P3H2: variants seen among roughly 807,000 people sequenced by gnomAD.
P3H2 encodes prolyl 3-hydroxylase 2.
P3H2 carries 80 observed loss-of-function variants against 87.0 expected under a neutral mutation model. That is an observed-to-expected ratio of 0.92 (90% CI 0.77 to 1.11). The LOEUF is 1.11. Among genes scored for constraint, P3H2 ranks in the 50% least tolerant of loss-of-function variants. The probability of loss-of-function intolerance (pLI) is 0.00; values close to 1 mark genes in which losing one functional copy is unlikely to be tolerated. For synonymous variants in P3H2, 367 were observed against 359.3 expected, an observed-to-expected ratio of 1.02 and a Z score of -0.24; for missense variants, 1,001 against 923.9, an observed-to-expected ratio of 1.08 and a Z score of -1.08.
intron 1 of P3H2, among the ~76,000 whole-genome samples, chr3:190,019,983 C>T (rs1192201972): frequency 7.6e-6 from 1 of 131,764 alleles, no homozygotes; most frequent in Non-Finnish European, 1.7e-5. Context: ...ATTTAACATA[C>T]CTTACCCCAT....
At chr3:190,047,801 G>A (rs1725852186) in intron 1 of P3H2, among the ~76,000 whole-genome samples, 1 of 152,168 alleles carries the variant, frequency 6.6e-6, no homozygotes, top group African/African-American at 2.4e-5. Context: ...TGAGAATGAA[G>A]AGGCATTGGT....
At chr3:190,074,863 T>C (rs1275698605) in intron 1 of P3H2, among the ~76,000 whole-genome samples, 4 of 152,238 alleles carry the variant, frequency 2.6e-5, no homozygotes, top group African/African-American at 7.2e-5. Flanking sequence ...GAAGAAAATA[T>C]ACACAGATAA....
chr3:190,099,684 CTA>C (rs1477776106), intron 1 of P3H2, among the ~76,000 whole-genome samples: 7 of 152,128 alleles, frequency 4.6e-5, no homozygotes, highest in Non-Finnish European at 1.0e-4. Flanking sequence ...GAAAGACAAT[CTA>C]TAAACTGCTT....
chr3:190,026,095 G>A (rs774496543), intron 1 of P3H2, among the ~76,000 whole-genome samples: 17 of 151,966 alleles, frequency 1.1e-4, no homozygotes, highest in Non-Finnish European at 2.4e-4. Flanking sequence ...TACAAAACTG[G>A]CAGCATTTCA....
intron 7 of P3H2, 146 bp from the exon 8 acceptor site, chr3:189,983,286 T>C (rs557771344): frequency 3.1e-6 from 2 of 641,338 alleles, no homozygotes; most frequent in South Asian, 3.9e-5. Flanking sequence ...TCAAATTAAA[T>C]GTCACTGCCT....
chr3:189,957,801 G>A lies in P3H2; in HGVS notation c.*111C>T. The A allele has an allele frequency of 5.4e-6, 4 of 737,678 alleles. No homozygotes were observed. The highest frequency in any genetic ancestry group is 9.5e-6 in the Non-Finnish European group (4 of 420,204). The allele number at this position is 737,678 out of a possible 1,614,324, so 45.7% of individuals were successfully genotyped here. The stretch of plus-strand genomic sequence containing the variant: ...ATCCTTAGGAAGAGAAGGAAGATCT[G>A]ATGACTGACATTAACCTGTTAATTT... On this transcript the variant is annotated 3_prime_UTR_variant, in exon 15 of 15. Transcript: ENST00000319332.
chr3:190,112,660 A>C (rs1160244650), intron 1 of P3H2, among the ~76,000 whole-genome samples: 1 of 152,258 alleles, frequency 6.6e-6, no homozygotes, highest in Non-Finnish European at 1.5e-5. Context: ...GATATAGTAC[A>C]GTAGAGCAGA....
chr3:190,030,969 T>C (rs555030984), intron 1 of P3H2, among the ~76,000 whole-genome samples: 1 of 152,294 alleles, frequency 6.6e-6, no homozygotes, highest in Non-Finnish European at 1.5e-5. Flanking sequence ...TAAGAGTACG[T>C]ACTATAATTC....
At chr3:190,036,989 T>C (rs1049494937) in intron 1 of P3H2, among the ~76,000 whole-genome samples, 4 of 151,958 alleles carry the variant, frequency 2.6e-5, no homozygotes, top group Non-Finnish European at 5.9e-5. Flanking sequence ...AATTTTCAAT[T>C]AACAACAACA....
rs1044645217 is a variant in P3H2 at position 190,120,311 on chromosome 3, C to A, written c.421G>T (p.Val141Leu). ...PASRHRVSED[V>L]RSDFQRRVPY... The stretch of plus-strand genomic sequence containing the variant: ...ACTCTGCGCTGGAAGTCGCTGCGCA[C>A]ATCCTCGCTGACGCGGTGGCGGGAT... Residue 141 changes from valine to leucine, a missense_variant, in exon 1 of 15, where the codon GTG becomes TTG. Transcript: ENST00000319332. The A allele has an allele frequency of 6.2e-7, 1 of 1,608,200 alleles. No homozygotes were observed. Among genetic ancestry groups the A allele is most frequent in the Non-Finnish European group, 8.5e-7 (1 of 1,178,474 alleles).
chr3:190,033,365 T>C (rs1317455306), intron 1 of P3H2, among the ~76,000 whole-genome samples: 1 of 152,222 alleles, frequency 6.6e-6, no homozygotes, highest in Non-Finnish European at 1.5e-5. Context: ...ATATATACCT[T>C]TATTAAAATT....
chr3:190,048,383 A>G (rs1725871733), intron 1 of P3H2, among the ~76,000 whole-genome samples: 1 of 152,164 alleles, frequency 6.6e-6, no homozygotes, highest in South Asian at 2.1e-4. Context: ...TATAATCCCA[A>G]CTACTTGGAA....
At chr3:189,994,333 C>CAAAG (rs777600555) in intron 2 of P3H2, 50 bp from the exon 3 acceptor site, 1 of 1,465,352 alleles carries the variant, frequency 6.8e-7, no homozygotes, top group African/African-American at 1.4e-5. Context: ...AACAAACAAA[C>CAAAG]AAAAAAACCC....
At chr3:190,088,811 AT>A (rs1478759417) in intron 1 of P3H2, among the ~76,000 whole-genome samples, 1 of 152,208 alleles carries the variant, frequency 6.6e-6, no homozygotes, top group Non-Finnish European at 1.5e-5. Flanking sequence ...ATTTTTATAT[AT>A]ACTACAGCCT....
intron 1 of P3H2, among the ~76,000 whole-genome samples, chr3:190,093,718 G>A (rs1035807696): frequency 6.6e-6 from 1 of 152,182 alleles, no homozygotes; most frequent in African/African-American, 2.4e-5. Flanking sequence ...TACAGTGTTT[G>A]TTTGCTTTGT....
chr3:190,089,348 C>T (rs150726669), intron 1 of P3H2, among the ~76,000 whole-genome samples: 29 of 152,222 alleles, frequency 1.9e-4, no homozygotes, highest in African/African-American at 5.1e-4. Context: ...TGCACATGTA[C>T]GCTACAACTT....
chr3:190,038,593 G>A (rs1725500587), intron 1 of P3H2, among the ~76,000 whole-genome samples: 1 of 151,488 alleles, frequency 6.6e-6, no homozygotes, highest in Non-Finnish European at 1.5e-5. Flanking sequence ...TAAAGCTCCA[G>A]GGATGAAATA....
chr3:190,057,576 C>T (rs540980130), intron 1 of P3H2, among the ~76,000 whole-genome samples: 1 of 152,198 alleles, frequency 6.6e-6, no homozygotes, highest in African/African-American at 2.4e-5. Context: ...TTGAGAGTTT[C>T]ATATAGATTT....
chr3:190,099,625 AC>A (rs1458958605), intron 1 of P3H2, among the ~76,000 whole-genome samples: 1 of 152,168 alleles, frequency 6.6e-6, no homozygotes, highest in East Asian at 1.9e-4. Flanking sequence ...TACAGAACTG[AC>A]CTTTTTTGTG....
Sources: gnomAD v4.1 joint callset for allele counts (sites outside exome capture counted in the v4.1 genomes callset) on GRCh38, gnomAD v4.1.1 for gene constraint, MANE v1.5 for transcripts, NCBI Gene and HGNC (gene_info 2026-07-23, HGNC 2026-07-21) for gene names.